Variants in TM9SF4 observed in about 807,000 individuals in gnomAD.
The protein encoded by TM9SF4 is transmembrane 9 superfamily member 4.
In TM9SF4, 26 loss-of-function variants were observed where a neutral mutation model predicts 90.4. That is an observed-to-expected ratio of 0.29 (90% CI 0.21 to 0.40). The LOEUF is 0.40. Ranked by LOEUF, TM9SF4 falls within the 10% of genes least tolerant of loss-of-function variation. The pLI is 1.00. For missense variants in TM9SF4, 549 were observed against 834.8 expected, an observed-to-expected ratio of 0.66 and a Z score of 4.22; for synonymous variants, 293 against 315.4, an observed-to-expected ratio of 0.93 and a Z score of 0.75.
At chr20:32,152,891 T>A (rs1397926287) in intron 12 of TM9SF4, among the ~76,000 whole-genome samples, 1 of 152,112 alleles carries the variant, frequency 6.6e-6, no homozygotes, top group Admixed American at 6.5e-5. Context: ...TACATAGGGG[T>A]CTGCCTTTCT....
At chr20:32,110,610 CTAAT>C (rs1366669564) in intron 1 of TM9SF4, among the ~76,000 whole-genome samples, 1 of 152,180 alleles carries the variant, frequency 6.6e-6, no homozygotes, top group Non-Finnish European at 1.5e-5. Context: ...TTGAAAAACA[CTAAT>C]AGCCCCACCT....
At chr20:32,118,965 G>C (rs2046267594) in intron 1 of TM9SF4, among the ~76,000 whole-genome samples, 1 of 151,520 alleles carries the variant, frequency 6.6e-6, no homozygotes. Context: ...CCATGTATGT[G>C]GAAAAGAGTA....
At chr20:32,143,199 G>C in intron 6 of TM9SF4, 94 bp downstream of exon 6, 1 of 1,485,060 alleles carries the variant, frequency 6.7e-7, no homozygotes, top group Middle Eastern at 2.4e-4. Context: ...TGAGCTGGCC[G>C]ATGGGCTCGG....
intron 6 of TM9SF4, among the ~76,000 whole-genome samples, chr20:32,144,031 C>G (rs1486570647): frequency 1.3e-5 from 2 of 152,068 alleles, no homozygotes; most frequent in Non-Finnish European, 2.9e-5. Context: ...CTGCAACCTG[C>G]GTCTCCTGGG....
chr20:32,119,272 A>G (rs1041320178), intron 1 of TM9SF4, among the ~76,000 whole-genome samples: 14 of 152,092 alleles, frequency 9.2e-5, no homozygotes, highest in African/African-American at 3.4e-4. Context: ...CATCCTGGGC[A>G]ACATGATGAA....
Position 32,145,163 on chromosome 20 carries a change from C to T in TM9SF4, c.725C>T (p.Pro242Leu). 6.2e-7 allele frequency: 1 copy of T among 1,614,160 alleles called. No individual in the cohort carries two copies. The highest frequency in any genetic ancestry group is 8.5e-7 in the Non-Finnish European group (1 of 1,180,038). ...AACTCCTCGCCCCAAGAAATTGACC[C>T]CACCAAGGAGAATCAGCTGTACTTC... ...GTNSSPQEID[P>L]TKENQLYFTY... Residue 242 changes from proline (P) to leucine (L), a missense_variant, in exon 7 of 18, where the codon CCC (proline) becomes CTC (leucine). This residue lies in a region of TM9SF4 where 495 missense variants were observed against 711.7 expected (regional missense o/e 0.70). Transcript: ENST00000398022.
intron 17 of TM9SF4, among the ~76,000 whole-genome samples, chr20:32,161,851 C>G (rs1268783176): frequency 6.6e-6 from 1 of 152,210 alleles, no homozygotes; most frequent in African/African-American, 2.4e-5. Flanking sequence ...GTGTTCTCTT[C>G]TTCACGCAAG....
chr20:32,154,660 C>T (rs894487179), intron 12 of TM9SF4, among the ~76,000 whole-genome samples: 6 of 151,956 alleles, frequency 3.9e-5, no homozygotes, highest in African/African-American at 1.5e-4. Context: ...GCCATGTGGG[C>T]CAGGCTGGTC....
At chr20:32,155,038 C>T in intron 12 of TM9SF4, 65 bp from the exon 13 acceptor site, 1 of 1,345,358 alleles carries the variant, frequency 7.4e-7, no homozygotes, top group Non-Finnish European at 1.1e-6. Flanking sequence ...GGTCTGGGGG[C>T]CCCACCGGGA....
chr20:32,115,806 G>GTTTTTTT lies in TM9SF4; in HGVS notation c.15+6051_15+6052insTTTTTTT, dbSNP rs1243268586. ...GTAATAACAAAACCTACCACTTTAA[G>GTTTTTTT]CTTTTTTTTTTTTTTTTTTTTTTTT... On this transcript the variant is annotated intron_variant, in intron 1 of 17. Coordinates refer to ENST00000398022, the MANE Select transcript of TM9SF4 (RefSeq NM_014742.4). 2.1e-4 allele frequency among the ~76,000 whole-genome samples: 22 copies of GTTTTTTT among 106,308 alleles called. 3 individuals are homozygous for GTTTTTTT. The highest frequency in any genetic ancestry group is 2.6e-4 in the Non-Finnish European group (14 of 54,300). 69.7% of individuals were successfully genotyped at this position (106,308 alleles called of 152,430 possible). A position where few individuals can be genotyped will look rare whatever the true frequency, so the allele number is the denominator to read the frequency against.
intron 1 of TM9SF4, among the ~76,000 whole-genome samples, chr20:32,117,415 G>A (rs927035290): frequency 6.6e-6 from 1 of 152,108 alleles, no homozygotes; most frequent in African/African-American, 2.4e-5. Context: ...AAGGCAGAGG[G>A]CTCCAGAAAA....
intron 1 of TM9SF4, among the ~76,000 whole-genome samples, chr20:32,113,610 TC>T (rs2046179294): frequency 1.3e-5 from 2 of 152,200 alleles, no homozygotes; most frequent in Admixed American, 1.3e-4. Flanking sequence ...AAACTCTACT[TC>T]CCTCACATCA....
chr20:32,123,750 A>C (rs1429023479), intron 1 of TM9SF4, among the ~76,000 whole-genome samples: 1 of 149,292 alleles, frequency 6.7e-6, no homozygotes, highest in Admixed American at 6.7e-5. Flanking sequence ...TTTTCTTCTA[A>C]TACTTCTATT....
chr20:32,134,063 T>C (rs1378304489), intron 2 of TM9SF4, among the ~76,000 whole-genome samples: 1 of 151,822 alleles, frequency 6.6e-6, no homozygotes, highest in African/African-American at 2.4e-5. Flanking sequence ...GTTCTCATGC[T>C]TCAGCCTCCC....
At chr20:32,163,890 C>T (rs1029030203) in intron 17 of TM9SF4, among the ~76,000 whole-genome samples, 1 of 152,066 alleles carries the variant, frequency 6.6e-6, no homozygotes, top group African/African-American at 2.4e-5. Context: ...GGATTACAGG[C>T]GTGAGCCACC....
rs1441221030 is a variant in TM9SF4 at position 32,141,557 on chromosome 20, A to C, written c.290A>C (p.Glu97Ala). ...CCTTTCCAGGTTCTCATGAACAGCG[A>C]GAAGAAGTGTGAAGTTCTGTGCAGC... is the stretch of plus-strand genomic sequence containing the variant. ...NTPFQVLMNSEKKCEVLCSQS... is the reference protein window; with the variant it reads ...NTPFQVLMNSAKKCEVLCSQS... The change falls in exon 4 of 18, where the codon GAG (glutamate) becomes GCG (alanine). Residue 97 changes from glutamate (E) to alanine (A), a missense_variant. Physicochemically the swap from Glu to Ala is moderately radical, Grantham distance 107. Coordinates refer to ENST00000398022, the MANE Select transcript of TM9SF4 (RefSeq NM_014742.4). 1.2e-6 allele frequency: 2 copies of C among 1,614,118 alleles called. No individual in the cohort carries two copies. Among genetic ancestry groups the C allele is most frequent in the East Asian group, 4.5e-5 (2 of 44,880 alleles).
chr20:32,120,222 C>G (rs1308079139), intron 1 of TM9SF4, among the ~76,000 whole-genome samples: 1 of 152,062 alleles, frequency 6.6e-6, no homozygotes, highest in Non-Finnish European at 1.5e-5. Context: ...ATCTATAGAT[C>G]AATTTGGAGA....
At chr20:32,117,554 G>A (rs1362800572) in intron 1 of TM9SF4, among the ~76,000 whole-genome samples, 3 of 152,196 alleles carry the variant, frequency 2.0e-5, no homozygotes, top group Admixed American at 2.0e-4. Flanking sequence ...AATTTGGAGT[G>A]GCTGGGGGTA....
At chr20:32,117,904 C>T (rs1330970176) in intron 1 of TM9SF4, among the ~76,000 whole-genome samples, 1 of 152,142 alleles carries the variant, frequency 6.6e-6, no homozygotes, top group Non-Finnish European at 1.5e-5. Context: ...TCTGAACATG[C>T]AGAAGATGAT....
Sources: allele counts gnomAD v4.1 joint callset (sites outside exome capture counted in the v4.1 genomes callset), GRCh38; gene constraint gnomAD v4.1.1; regional missense constraint gnomAD v4.1.1; transcripts MANE v1.5; gene names NCBI Gene and HGNC (gene_info 2026-07-23, HGNC 2026-07-21).